The following ABCC4 variants were observed in gnomAD, a reference collection of about 807,000 sequenced individuals.
The protein encoded by ABCC4 is ATP-binding cassette sub-family C member 4.
Under a neutral mutation model 168.5 loss-of-function variants are expected in ABCC4, and 102 were observed. The observed-to-expected ratio is 0.61, with a 90% CI of 0.52 to 0.71. The LOEUF (loss-of-function observed/expected upper bound fraction) is 0.71, where lower values mean the gene tolerates loss of function less well. Ranked by LOEUF, ABCC4 falls within the 30% of genes least tolerant of loss-of-function variation. The probability of loss-of-function intolerance (pLI) is 0.00; values close to 1 mark genes in which losing one functional copy is unlikely to be tolerated. For synonymous variants in ABCC4, 617 were observed against 590.7 expected, an observed-to-expected ratio of 1.04 and a Z score of -0.65; for missense variants, 1,402 against 1,605.8, an observed-to-expected ratio of 0.87 and a Z score of 2.17.
At chr13:95,280,116 GTA>G (rs2138912549) in intron 1 of ABCC4, among the ~76,000 whole-genome samples, 1 of 152,234 alleles carries the variant, frequency 6.6e-6, no homozygotes, top group African/African-American at 2.4e-5. Context: ...ACTTCTCACA[GTA>G]TAACTATCCA....
chr13:95,132,619 A>C (rs2036007860), intron 19 of ABCC4, among the ~76,000 whole-genome samples: 1 of 152,124 alleles, frequency 6.6e-6, no homozygotes, highest in Non-Finnish European at 1.5e-5. Flanking sequence ...TGGTATTATA[A>C]TTTTTTATTG....
At chr13:95,242,235 T>C (rs1256939143) in intron 3 of ABCC4, among the ~76,000 whole-genome samples, 1 of 1,564 alleles carries the variant, frequency 6.4e-4, no homozygotes, top group African/African-American at 0.013. Context: ...AACTCCATAA[T>C]TTTTTTTTTT....
At chr13:95,268,005 T>C (rs1594411854) in intron 1 of ABCC4, among the ~76,000 whole-genome samples, 1 of 152,138 alleles carries the variant, frequency 6.6e-6, no homozygotes, top group Non-Finnish European at 1.5e-5. Context: ...ACTCTGGGCA[T>C]TGTCAGACAC....
At chr13:95,139,584 A>G (rs921107314) in intron 19 of ABCC4, among the ~76,000 whole-genome samples, 1 of 152,188 alleles carries the variant, frequency 6.6e-6, no homozygotes, top group African/African-American at 2.4e-5. Flanking sequence ...ACGCATATGT[A>G]TATGGTGCTA....
intron 4 of ABCC4, among the ~76,000 whole-genome samples, chr13:95,225,100 C>T (rs1411970103): frequency 1.3e-5 from 2 of 151,532 alleles, no homozygotes; most frequent in Non-Finnish European, 2.9e-5. Flanking sequence ...ACTTCTCTCC[C>T]TTCTTCTCTC....
At chr13:95,125,405 C>A (rs925700459) in intron 19 of ABCC4, among the ~76,000 whole-genome samples, 22 of 152,164 alleles carry the variant, frequency 1.4e-4, no homozygotes, top group African/African-American at 5.3e-4. Context: ...GGCTATCACT[C>A]CTGCTTAGAA....
intron 21 of ABCC4, among the ~76,000 whole-genome samples, chr13:95,078,205 G>A (rs1037712618): frequency 6.6e-6 from 1 of 152,082 alleles, no homozygotes; most frequent in Non-Finnish European, 1.5e-5. Flanking sequence ...CGAGTCCACA[G>A]GGTTCTCTCT....
chr13:95,187,337 G>T (rs1479429252), intron 10 of ABCC4, among the ~76,000 whole-genome samples: 1 of 152,234 alleles, frequency 6.6e-6, no homozygotes, highest in Non-Finnish European at 1.5e-5. Context: ...AGGTGCAGTG[G>T]CTCACGCCTG....
At chr13:95,105,308 C>T (rs1315813893) in intron 20 of ABCC4, among the ~76,000 whole-genome samples, 1 of 151,976 alleles carries the variant, frequency 6.6e-6, no homozygotes, top group East Asian at 1.9e-4. Context: ...TCTTGTCCAC[C>T]GCTCACCTCC....
intron 20 of ABCC4, among the ~76,000 whole-genome samples, chr13:95,087,755 A>T (rs1312024680): frequency 6.6e-6 from 1 of 152,192 alleles, no homozygotes; most frequent in Non-Finnish European, 1.5e-5. Flanking sequence ...AAGTCAGCAG[A>T]TGTAAATTAT....
intron 29 of ABCC4, among the ~76,000 whole-genome samples, chr13:95,039,646 T>A (rs997192207): frequency 6.6e-6 from 1 of 152,202 alleles, no homozygotes; most frequent in African/African-American, 2.4e-5. Flanking sequence ...TGGAATGCAT[T>A]AGTCAGTTAC....
Position 95,301,396 on chromosome 13 carries a change from A to G in ABCC4, c.-82T>C. The stretch of plus-strand genomic sequence containing the variant: ...CGGGCTCCGCTCCTGGACCTCAAGC[A>G]GGGATGCTGGGGCTCCGGCCGCCAC... On this transcript the variant is annotated 5_prime_UTR_variant, in exon 1 of 31. Transcript: ENST00000645237. The G allele has an allele frequency of 7.8e-7, 1 of 1,284,502 alleles. No individual in the cohort carries two copies. The highest frequency in any genetic ancestry group is 1.1e-6 in the Non-Finnish European group (1 of 947,790). The allele number at this position is 1,284,502 out of a possible 1,614,324, so 79.6% of individuals were successfully genotyped here.
rs149381482 is a variant in ABCC4, at chr13:95,071,754, C to T, written c.3118G>A (p.Val1040Met). ...RPPPAWPHEG[V>M]IIFDNVNFMY... Reference sequence around the variant, plus strand: ...AAGTTCACATTGTCAAAGATTATCACTCCTTCATGGGGCCAGGCTGGTGGT... The same window carrying T: ...AAGTTCACATTGTCAAAGATTATCATTCCTTCATGGGGCCAGGCTGGTGGT... The change falls in exon 25 of 31, where the codon GTG becomes ATG. Residue 1040 changes from valine to methionine, a missense_variant. Physicochemically the swap from Val to Met is conservative, Grantham distance 21. Around this residue, in one of 3 missense-constraint regions of ABCC4, gnomAD observed 1,007 missense variants for 1,127.3 expected, o/e 0.89. Coordinates refer to ENST00000645237, the MANE Select transcript of ABCC4 (RefSeq NM_005845.5). 57 of 1,607,578 alleles carry T rather than the reference C, an allele frequency of 3.5e-5. No individual in the cohort carries two copies. The African/African-American group carries it at 6.4e-4, about 18-fold the overall frequency.
chr13:95,144,974 G>T (rs566017191), intron 19 of ABCC4, among the ~76,000 whole-genome samples: 1 of 151,298 alleles, frequency 6.6e-6, no homozygotes, highest in African/African-American at 2.4e-5. Flanking sequence ...AAGTTTACAA[G>T]CAAAAAACAA....
chr13:95,159,844 C>A (rs1210079359), intron 19 of ABCC4, among the ~76,000 whole-genome samples: 1 of 152,136 alleles, frequency 6.6e-6, no homozygotes, highest in Non-Finnish European at 1.5e-5. Flanking sequence ...TTAATCTTCA[C>A]AAAAATCATG....
At chr13:95,124,884 AAAAT>A (rs2035702672) in intron 19 of ABCC4, among the ~76,000 whole-genome samples, 1 of 151,118 alleles carries the variant, frequency 6.6e-6, no homozygotes, top group African/African-American at 2.4e-5. Flanking sequence ...TCTCAAAAAA[AAAAT>A]AAAATAAAAT....
intron 16 of ABCC4, 80 bp downstream of exon 16, chr13:95,164,298 T>C (rs2037201402): frequency 6.5e-7 from 1 of 1,536,142 alleles, no homozygotes. Flanking sequence ...CCAAGTGAAC[T>C]GCAAGATGCA....
chr13:95,210,406 C>T (rs1415595446), intron 5 of ABCC4, among the ~76,000 whole-genome samples: 1 of 152,168 alleles, frequency 6.6e-6, no homozygotes, highest in Non-Finnish European at 1.5e-5. Flanking sequence ...GATGTGCCAC[C>T]CTTGAATTTT....
chr13:95,298,704 A>T (rs960467966), intron 1 of ABCC4, among the ~76,000 whole-genome samples: 1 of 152,164 alleles, frequency 6.6e-6, no homozygotes, highest in Non-Finnish European at 1.5e-5. Context: ...CAGCACCTGA[A>T]CTGGAAGCAG....
Sources: allele counts gnomAD v4.1 joint callset (sites outside exome capture counted in the v4.1 genomes callset), GRCh38; gene constraint gnomAD v4.1.1; regional missense constraint gnomAD v4.1.1; transcripts MANE v1.5; gene names NCBI Gene and HGNC (gene_info 2026-07-23, HGNC 2026-07-21).